NEDD4: variants seen among roughly 807,000 people sequenced by gnomAD.
NEDD4 encodes NEDD4 E3 ubiquitin protein ligase.
Under a neutral mutation model 144.9 loss-of-function variants are expected in NEDD4, and 99 were observed. That is an observed-to-expected ratio of 0.68 (90% CI 0.58 to 0.81). The LOEUF is 0.81. NEDD4 is among the 30% of genes least tolerant of loss of function. NEDD4 has a pLI of 0.00. For missense variants in NEDD4, 985 were observed against 1,065.9 expected (o/e 0.92, Z 1.06); for synonymous variants, 318 against 350.6 (o/e 0.91, Z 1.04).
intron 5 of NEDD4, among the ~76,000 whole-genome samples, chr15:55,897,394 A>G (rs12593593): frequency 0.14 from 21,874 of 152,184 alleles, 1,717 homozygotes; most frequent in East Asian, 0.36. Flanking sequence ...GAATTTTCCA[A>G]GAAGGAAATA....
intron 4 of NEDD4, among the ~76,000 whole-genome samples, chr15:55,933,785 T>C (rs61558945): frequency 0.13 from 20,435 of 152,132 alleles, 1,498 homozygotes; most frequent in East Asian, 0.32. Context: ...TCCCCTTCTA[T>C]CATGATTGTA....
At chr15:55,957,904 T>C (rs766239309) in intron 2 of NEDD4, among the ~76,000 whole-genome samples, 63 of 152,134 alleles carry the variant, frequency 4.1e-4, no homozygotes, top group Non-Finnish European at 7.6e-4. Flanking sequence ...TTCTCACTCA[T>C]AGGTGGGAAC....
At chr15:55,954,533 T>C (rs1051673156) in intron 2 of NEDD4, among the ~76,000 whole-genome samples, 41 of 152,086 alleles carry the variant, frequency 2.7e-4, no homozygotes, top group African/African-American at 8.4e-4. Flanking sequence ...GTTTTGCCTT[T>C]TTTTTTTTGA....
At chr15:55,949,666 C>G (rs1308001895) in intron 4 of NEDD4, among the ~76,000 whole-genome samples, 1 of 152,080 alleles carries the variant, frequency 6.6e-6, no homozygotes, top group African/African-American at 2.4e-5. Context: ...ATGGATGAAG[C>G]TGGAAACCAT....
At chr15:55,912,747 T>C (rs1024383593) in intron 5 of NEDD4, among the ~76,000 whole-genome samples, 12 of 152,168 alleles carry the variant, frequency 7.9e-5, no homozygotes, top group Non-Finnish European at 1.3e-4. Context: ...TGACAAAATA[T>C]TACACATACT....
At chr15:55,927,094 A>AAAG (rs2036686176) in intron 4 of NEDD4, among the ~76,000 whole-genome samples, 2 of 147,110 alleles carry the variant, frequency 1.4e-5, no homozygotes, top group Admixed American at 6.9e-5. Context: ...AAAAAAAAAA[A>AAAG]AAAAAGAAAG....
intron 2 of NEDD4, among the ~76,000 whole-genome samples, chr15:55,952,393 GA>G (rs11339349): frequency 0.029 from 4,403 of 152,156 alleles, 72 homozygotes; most frequent in Non-Finnish European, 0.035. Flanking sequence ...TCTACAAGGA[GA>G]CATGGAGAAG....
intron 12 of NEDD4, among the ~76,000 whole-genome samples, chr15:55,855,546 G>T (rs1250780093): frequency 6.6e-6 from 1 of 152,240 alleles, no homozygotes; most frequent in African/African-American, 2.4e-5. Flanking sequence ...AAACTCAGTA[G>T]TGAGGCTTGT....
chr15:55,893,733 A>G (rs1159752007), intron 5 of NEDD4, among the ~76,000 whole-genome samples: 1 of 150,596 alleles, frequency 6.6e-6, no homozygotes, highest in African/African-American at 2.4e-5. Context: ...CTTGCTGAAT[A>G]TAATAAAAAC....
chr15:55,871,778 A>G (rs2034807023), intron 7 of NEDD4, among the ~76,000 whole-genome samples: 1 of 152,238 alleles, frequency 6.6e-6, no homozygotes, highest in Non-Finnish European at 1.5e-5. Flanking sequence ...TTGCTTTCAC[A>G]GATGTCCTTT....
chr15:55,982,233 C>T (rs1291217737), intron 1 of NEDD4, among the ~76,000 whole-genome samples: 2 of 152,084 alleles, frequency 1.3e-5, no homozygotes, highest in East Asian at 3.8e-4. Flanking sequence ...TAAAGTTAAA[C>T]ACATATAACC....
chr15:55,858,339 C>T (rs1435278252), intron 11 of NEDD4, among the ~76,000 whole-genome samples: 1 of 151,754 alleles, frequency 6.6e-6, no homozygotes, highest in Non-Finnish European at 1.5e-5. Context: ...CGGAGTTTCA[C>T]TCTGTCACCC....
intron 8 of NEDD4, among the ~76,000 whole-genome samples, chr15:55,863,326 T>C (rs961922509): frequency 4.6e-5 from 7 of 152,130 alleles, no homozygotes; most frequent in African/African-American, 1.7e-4. Context: ...CAAAAAAAAC[T>C]TTAAAGGCAC....
chr15:55,931,891 C>A (rs1385513046), intron 4 of NEDD4, among the ~76,000 whole-genome samples: 2 of 152,186 alleles, frequency 1.3e-5, no homozygotes, highest in Non-Finnish European at 2.9e-5. Context: ...AACCTTATGT[C>A]TTTTAACAGA....
intron 8 of NEDD4, among the ~76,000 whole-genome samples, chr15:55,867,963 T>C (rs981026795): frequency 6.7e-6 from 1 of 149,712 alleles, no homozygotes; most frequent in Non-Finnish European, 1.5e-5. Flanking sequence ...GGCTGAGGCA[T>C]GAGAATTACT....
chr15:55,836,833 A>AT (rs1390871406), intron 24 of NEDD4, among the ~76,000 whole-genome samples: 3 of 151,254 alleles, frequency 2.0e-5, no homozygotes, highest in Admixed American at 6.6e-5. Context: ...CAAATTTTTA[A>AT]TTTTTTATAG....
At chr15:55,912,994 T>TA (rs1284315484) in intron 5 of NEDD4, among the ~76,000 whole-genome samples, 6 of 152,086 alleles carry the variant, frequency 3.9e-5, no homozygotes, top group Non-Finnish European at 8.8e-5. Context: ...TCATTAGATT[T>TA]AAAAAATCAG....
intron 5 of NEDD4, among the ~76,000 whole-genome samples, chr15:55,884,583 A>G (rs1412380441): frequency 6.6e-6 from 1 of 152,144 alleles, no homozygotes; most frequent in Non-Finnish European, 1.5e-5. Context: ...CCTGTCAGAT[A>G]AATTTAACAA....
In NEDD4 at chr15:55,993,103, C is replaced by A. The variant is rs533626891; in HGVS notation, c.45+408G>T. Among the ~76,000 whole-genome samples the A allele has an allele frequency of 2.6e-5, 4 of 152,362 alleles. No individual in the cohort carries two copies. The South Asian group carries it at 6.2e-4, about 24-fold the overall frequency. On this transcript the variant is annotated intron_variant, in intron 1 of 28. Transcript: ENST00000435532. ...TAAGTCGGCCCGGCCTCCGCCAGAG[C>A]AAGCAAATCAACAGCGGGGATGCTG...
Sources: gnomAD v4.1 joint callset for allele counts (sites outside exome capture counted in the v4.1 genomes callset) on GRCh38, gnomAD v4.1.1 for gene constraint, MANE v1.5 for transcripts, NCBI Gene and HGNC (gene_info 2026-07-23, HGNC 2026-07-21) for gene names.